Variants in LHX6 observed in about 807,000 individuals in gnomAD.
LHX6 encodes LIM homeobox 6.
Under a neutral mutation model 47.1 loss-of-function variants are expected in LHX6, and 15 were observed. That is an observed-to-expected ratio of 0.32 (90% CI 0.21 to 0.49). The LOEUF is 0.49. LHX6 is among the 20% of genes least tolerant of loss of function. The pLI, the probability that LHX6 is intolerant of heterozygous loss-of-function variation, is 0.99. For synonymous variants in LHX6, 242 were observed against 233.5 expected, an observed-to-expected ratio of 1.04 and a Z score of -0.33; for missense variants, 404 against 539.6, an observed-to-expected ratio of 0.75 and a Z score of 2.49.
At chr9:122,228,383 G>T (rs980790816) in intron 1 of LHX6, 2 of 1,511,110 alleles carry the variant, frequency 1.3e-6, no homozygotes, top group African/African-American at 1.4e-5. Context: ...CTATTCAGAC[G>T]GACAATACCG....
chr9:122,204,751 C>T lies in LHX6; in HGVS notation c.*9G>A. ...GCGCCCACGGGCAGATGCGGAAGTG[C>T]CGGCAGCGTTAGTACTGAAAAAGGA... On this transcript the variant is annotated 3_prime_UTR_variant, in exon 10 of 10. Coordinates refer to ENST00000394319, the MANE Select transcript of LHX6 (RefSeq NM_014368.5). 1 of 1,595,448 alleles carries T rather than the reference C, an allele frequency of 6.3e-7. No homozygotes were observed. The highest frequency in any genetic ancestry group is 8.5e-7 in the Non-Finnish European group (1 of 1,170,916).
At chr9:122,209,781 G>A (rs569717266) in intron 8 of LHX6, 64 bp from the exon 9 acceptor site, 74 of 709,536 alleles carry the variant, frequency 1.0e-4, no homozygotes, top group Admixed American at 4.8e-4. Flanking sequence ...CACCTGCCCC[G>A]TGCTCTCTAC....
At chr9:122,212,592 G>A (rs1203783977) in intron 8 of LHX6, among the ~76,000 whole-genome samples, 3 of 152,160 alleles carry the variant, frequency 2.0e-5, no homozygotes, top group Admixed American at 6.5e-5. Context: ...GACAATCTGT[G>A]ATAGGCACCT....
intron 8 of LHX6, among the ~76,000 whole-genome samples, chr9:122,210,904 T>C (rs1246982252): frequency 6.6e-6 from 1 of 152,208 alleles, no homozygotes. Flanking sequence ...ATATTATCTG[T>C]CTTTGCCAAC....
chr9:122,218,219 C>A (rs1830669535), intron 4 of LHX6, among the ~76,000 whole-genome samples: 2 of 152,074 alleles, frequency 1.3e-5, no homozygotes, highest in South Asian at 4.1e-4. Context: ...GAAGTCAGCC[C>A]AGGGCCTGAT....
In LHX6 at chr9:122,228,702, G is replaced by T. The variant is rs954003084; in HGVS notation, c.39C>A (p.Pro13=). ...CCTCGGCCGGCAGCCGGCAGCCCTC[G>T]GGCAACGCCGGGGCGGCGTTCTCAT... ...WKHENAAPAL[P]EGCRLPAEGG... Residue 13 remains proline (P), a synonymous_variant, in exon 1 of 10, where the codon CCC becomes CCA. Coordinates refer to ENST00000394319, the MANE Select transcript of LHX6 (RefSeq NM_014368.5). 4.6e-6 allele frequency: 6 copies of T among 1,291,090 alleles called. No homozygotes were observed. In the Admixed American group the frequency reaches 1.6e-4, roughly 35 times the overall value. The allele number at this position is 1,291,090 out of a possible 1,614,324, so 80.0% of individuals were successfully genotyped here.
In LHX6 at chr9:122,227,499, G is replaced by GTGGC; in HGVS notation, c.85-20_85-19insGCCA. 2 of 656,308 alleles carry GTGGC rather than the reference G, an allele frequency of 3.0e-6. No individual in the cohort carries two copies. The highest frequency in any genetic ancestry group is 5.0e-6 in the Non-Finnish European group (2 of 401,616). The allele number at this position is 656,308 out of a possible 1,614,324, so 40.7% of individuals were successfully genotyped here. A position where few individuals can be genotyped will look rare whatever the true frequency, so the allele number is the denominator to read the frequency against. On this transcript the variant is annotated intron_variant, in intron 1 of 9. Transcript: ENST00000394319. ...CCATCACCTGGGGGAGGGGGGGAGGGAACGCAGGCGGCGGCGGCTGCTGAA... is the reference window on the plus strand; with the variant it reads ...CCATCACCTGGGGGAGGGGGGGAGGGTGGCAACGCAGGCGGCGGCGGCTGCTGAA...
intron 4 of LHX6, among the ~76,000 whole-genome samples, chr9:122,222,933 C>T (rs976269122): frequency 6.6e-6 from 1 of 152,168 alleles, no homozygotes; most frequent in Non-Finnish European, 1.5e-5. Flanking sequence ...CCTACCAGAC[C>T]CTTGACCCCG....
At chr9:122,207,187 C>T (rs1180525306) in intron 9 of LHX6, among the ~76,000 whole-genome samples, 3 of 152,180 alleles carry the variant, frequency 2.0e-5, no homozygotes, top group South Asian at 2.1e-4. Flanking sequence ...CCAGTTCTGC[C>T]CATGCTCACA....
At chr9:122,216,839 T>C (rs1007203645) in intron 5 of LHX6, among the ~76,000 whole-genome samples, 1 of 152,238 alleles carries the variant, frequency 6.6e-6, no homozygotes, top group Non-Finnish European at 1.5e-5. Context: ...AACGCCATTT[T>C]ACTGATAAGG....
intron 5 of LHX6, 107 bp downstream of exon 5, chr9:122,216,961 G>T: frequency 4.3e-6 from 4 of 927,736 alleles, no homozygotes; most frequent in Non-Finnish European, 5.0e-6. Context: ...GGACTATACC[G>T]GGAGGGCCCA....
intron 4 of LHX6, chr9:122,221,825 G>T: frequency 1.8e-6 from 1 of 552,430 alleles, no homozygotes; most frequent in Non-Finnish European, 2.3e-6. Context: ...CAGACGGGTG[G>T]CTGATATATC....
chr9:122,205,544 G>C lies in LHX6; in HGVS notation c.1159-764C>G, dbSNP rs556757281. Among the ~76,000 whole-genome samples, 10 of 152,290 alleles carry C rather than the reference G, an allele frequency of 6.6e-5. No individual in the cohort carries two copies. In the South Asian group the frequency reaches 2.1e-3, roughly 32 times the overall value. On this transcript the variant is annotated intron_variant, in intron 9 of 9. Coordinates refer to ENST00000394319, the MANE Select transcript of LHX6 (RefSeq NM_014368.5). ...AGGATCACTGGCTGGCTGGTCAATG[G>C]CAATGTGTCATTTCACAGTAAAGTG...
Position 122,214,325 on chromosome 9 carries a change from C to T in LHX6, c.741G>A (p.Pro247=). The T allele has an allele frequency of 6.2e-7, 1 of 1,600,554 alleles. No individual in the cohort carries two copies. The highest frequency in any genetic ancestry group is 8.5e-7 in the Non-Finnish European group (1 of 1,175,700). The part of the protein sequence containing the change: ...VPSEQDSQPK[P]AKRARTSFTA... ...TGAAGGACGTCCGCGCGCGCTTGGC[C>T]GGCTTGGGTTGACTGTCCTGTTCCG... The change falls in exon 6 of 10, where the codon CCG becomes CCA. Residue 247 remains proline (P), a synonymous_variant. Transcript: ENST00000394319. The surrounding 1 kb of genome is among the most constrained non-coding windows in gnomAD (Gnocchi z 4.6).
chr9:122,214,741 C>T lies in LHX6; in HGVS notation c.683-358G>A, dbSNP rs1830534493. 6.6e-6 allele frequency among the ~76,000 whole-genome samples: 1 copy of T among 152,098 alleles called. No homozygotes were observed. The highest frequency in any genetic ancestry group is 2.4e-5 in the African/African-American group (1 of 41,404). On this transcript the variant is annotated intron_variant, in intron 5 of 9. Coordinates refer to ENST00000394319, the MANE Select transcript of LHX6 (RefSeq NM_014368.5). This position sits in a 1 kb window ranked among gnomAD's most constrained non-coding sequence, Gnocchi z 4.6. ...ACCCTAATGTCCCAAACTGGGCTCC[C>T]TGCTGGCGAAACTGGGGGACACCAA...
intron 4 of LHX6, among the ~76,000 whole-genome samples, chr9:122,222,814 C>T (rs1830924542): frequency 6.6e-6 from 1 of 152,196 alleles, no homozygotes; most frequent in Non-Finnish European, 1.5e-5. Context: ...GTTAGAGGAC[C>T]ATGGGATCTC....
chr9:122,222,049 G>A (rs1386382951), intron 4 of LHX6, among the ~76,000 whole-genome samples: 1 of 152,196 alleles, frequency 6.6e-6, no homozygotes, highest in Non-Finnish European at 1.5e-5. Context: ...GCAGGTAAAG[G>A]GTTAGCCCAA....
rs1021217345 is a variant in LHX6, at chr9:122,203,737, T to A, written c.*1023A>T. ...TCACCTAGGCAATGGGCACCCTCTC[T>A]CTACTTAGAGATGGATCCAGGGTTA... On this transcript the variant is annotated 3_prime_UTR_variant, in exon 10 of 10. Coordinates refer to ENST00000394319, the MANE Select transcript of LHX6 (RefSeq NM_014368.5). 1 of 152,586 alleles carries A rather than the reference T, an allele frequency of 6.6e-6. No homozygotes were observed. Among genetic ancestry groups the A allele is most frequent in the Non-Finnish European group, 1.5e-5 (1 of 68,064 alleles). The allele number at this position is 152,586 out of a possible 1,614,324, so 9.5% of individuals were successfully genotyped here.
At chr9:122,223,732 A>G (rs1041985256) in intron 4 of LHX6, among the ~76,000 whole-genome samples, 1 of 152,216 alleles carries the variant, frequency 6.6e-6, no homozygotes, top group Admixed American at 6.5e-5. Context: ...TGAACAGTGG[A>G]GTCAGGATCC....
Sources: gnomAD v4.1 joint callset for allele counts (sites outside exome capture counted in the v4.1 genomes callset) on GRCh38, gnomAD v4.1.1 for gene constraint, Gnocchi (gnomAD v3.1) non-coding constraint, MANE v1.5 for transcripts, NCBI Gene and HGNC (gene_info 2026-07-23, HGNC 2026-07-21) for gene names.